Variants in CATSPERE observed in about 807,000 individuals in gnomAD.
CATSPERE encodes cation channel sperm-associated auxiliary subunit epsilon.
In CATSPERE, 93 loss-of-function variants were observed where a neutral mutation model predicts 114.1. The ratio of observed to expected loss-of-function variants is 0.81; its 90% CI spans 0.69 to 0.97. CATSPERE has a LOEUF of 0.97. Among genes scored for constraint, CATSPERE ranks in the 50% least tolerant of loss-of-function variants. CATSPERE has a pLI of 0.00. For missense variants in CATSPERE, 1,058 were observed against 1,131.6 expected (o/e 0.93, Z 0.93); for synonymous variants, 341 against 384.1 (o/e 0.89, Z 1.31).
At chr1:244,595,800 G>A (rs1668323060) in intron 17 of CATSPERE, among the ~76,000 whole-genome samples, 1 of 152,190 alleles carries the variant, frequency 6.6e-6, no homozygotes, top group African/African-American at 2.4e-5. Flanking sequence ...GGGCGTGGTG[G>A]CGGGCACCTG....
chr1:244,561,101 T>C lies in CATSPERE; in HGVS notation c.1463T>C (p.Leu488Pro), dbSNP rs1326928748. 6.2e-7 allele frequency: 1 copy of C among 1,608,710 alleles called. No homozygotes were observed. The highest frequency in any genetic ancestry group is 1.7e-5 in the Admixed American group (1 of 60,016). ...CAGACACCTGCAGGACATGGAAATC[T>C]ATCAATGCTATCAAATGACAGCATT... is the stretch of plus-strand genomic sequence containing the variant. Reference protein sequence around the residue: ...ILQTPAGHGNLSMLSNDSIIH... With the variant: ...ILQTPAGHGNPSMLSNDSIIH... The change falls in exon 10 of 22, where the codon CTA becomes CCA. Residue 488 changes from leucine (L) to proline (P), a missense_variant. This residue lies in a region of CATSPERE where 787 missense variants were observed against 905.6 expected (regional missense o/e 0.87). Coordinates refer to ENST00000366534, the MANE Select transcript of CATSPERE (RefSeq NM_001130957.2).
chr1:244,598,622 T>C, intron 17 of CATSPERE: 1 of 362,328 alleles, frequency 2.8e-6, no homozygotes, highest in Middle Eastern at 8.9e-4. Flanking sequence ...TGCCTCCCTT[T>C]TCCACGGTGT....
Position 244,461,406 on chromosome 1 carries a change from T to G in CATSPERE, c.-24T>G, listed in dbSNP as rs200357601. 1 of 1,354,264 alleles carries G rather than the reference T, an allele frequency of 7.4e-7. No homozygotes were observed. The highest frequency in any genetic ancestry group is 9.6e-7 in the Non-Finnish European group (1 of 1,045,004). The allele number at this position is 1,354,264 out of a possible 1,614,324, so 83.9% of individuals were successfully genotyped here. ...GCCTGGACGGGAGTGGCCGAGGCGGTTGGGCGGAGGCGGAGCAGGCGCCAT... is the reference window on the plus strand; with the variant it reads ...GCCTGGACGGGAGTGGCCGAGGCGGGTGGGCGGAGGCGGAGCAGGCGCCAT... On this transcript the variant is annotated 5_prime_UTR_variant, in exon 1 of 22. Transcript: ENST00000366534.
chr1:244,582,909 TGATATATATATATATATATATATA>T (rs1666399828), intron 12 of CATSPERE, among the ~76,000 whole-genome samples: 1 of 27,062 alleles, frequency 3.7e-5, no homozygotes, highest in Non-Finnish European at 9.2e-5. Flanking sequence ...AAACAGAATT[TGATATATATATATATATATATATA>T]TATATATATA....
intron 2 of CATSPERE, 34 bp downstream of exon 2, chr1:244,463,990 ATATTAAAT>A: frequency 6.7e-7 from 1 of 1,483,668 alleles, no homozygotes; most frequent in Non-Finnish European, 9.4e-7. Context: ...CTATAGTTAA[ATATTAAAT>A]TTTTTGAACT....
chr1:244,500,005 T>C (rs1673774442), intron 7 of CATSPERE, among the ~76,000 whole-genome samples: 3 of 152,220 alleles, frequency 2.0e-5, no homozygotes, highest in African/African-American at 7.2e-5. Flanking sequence ...CACCAGCATC[T>C]GTTGTTTCCA....
At chr1:244,483,082 T>A (rs191309571) in intron 5 of CATSPERE, among the ~76,000 whole-genome samples, 3 of 152,338 alleles carry the variant, frequency 2.0e-5, no homozygotes, top group Admixed American at 2.0e-4. Context: ...GCTGATGCAT[T>A]TATTTGCAAC....
intron 5 of CATSPERE, among the ~76,000 whole-genome samples, chr1:244,487,815 C>CAAAACCCCTCGTCCCCAGTGCA (rs1553324743): frequency 5.6e-4 from 86 of 152,256 alleles, no homozygotes; most frequent in African/African-American, 1.8e-3. Context: ...GTACGGGAGC[C>CAAAACCCCTCGTCCCCAGTGCA]AAAACCCCTC....
At chr1:244,544,137 A>G (rs1444358355) in intron 8 of CATSPERE, among the ~76,000 whole-genome samples, 1 of 152,196 alleles carries the variant, frequency 6.6e-6, no homozygotes, top group African/African-American at 2.4e-5. Context: ...AAGCCCTTAA[A>G]TAAAGAGGTG....
At position 244,605,702 on chromosome 1, in the gene CATSPERE, G is replaced by A. The variant is rs1669892977; in HGVS notation, c.2311G>A (p.Asp771Asn). 4 of 1,604,986 alleles carry A rather than the reference G, an allele frequency of 2.5e-6. No homozygotes were observed. In the East Asian group the frequency reaches 8.9e-5, roughly 36 times the overall value. ...GTTTGTTGTTTCTTTCAGATTTGAT[G>A]ATAATGGCTATGTTAAAGACGTTGA... is the stretch of plus-strand genomic sequence containing the variant. Reference protein sequence around the residue: ...KFQPVVQLFDDNGYVKDVEAN... With the variant: ...KFQPVVQLFDNNGYVKDVEAN... Residue 771 changes from aspartate to asparagine, a missense_variant, in exon 18 of 22, where the codon GAT becomes AAT. Asp to Asn is a conservative substitution (Grantham distance 23). Around this residue, in one of 2 missense-constraint regions of CATSPERE, gnomAD observed 787 missense variants for 905.6 expected, o/e 0.87. Transcript: ENST00000366534.
intron 6 of CATSPERE, among the ~76,000 whole-genome samples, chr1:244,498,784 G>A (rs1673529678): frequency 6.6e-6 from 1 of 152,038 alleles, no homozygotes; most frequent in Non-Finnish European, 1.5e-5. Flanking sequence ...TGTAATCCCA[G>A]CTACTCGGGA....
chr1:244,474,742 T>G (rs1163370279), intron 2 of CATSPERE, among the ~76,000 whole-genome samples: 1 of 149,428 alleles, frequency 6.7e-6, no homozygotes, highest in African/African-American at 2.4e-5. Flanking sequence ...TTCTTCTTTT[T>G]TTTTTTTTTT....
chr1:244,590,836 C>T (rs1438750632), intron 14 of CATSPERE, among the ~76,000 whole-genome samples: 3 of 152,288 alleles, frequency 2.0e-5, no homozygotes, highest in Non-Finnish European at 4.4e-5. Context: ...ATCCATCCAG[C>T]AGTTCATGGA....
At chr1:244,630,254 G>A (rs1673754038) in intron 20 of CATSPERE, among the ~76,000 whole-genome samples, 1 of 152,190 alleles carries the variant, frequency 6.6e-6, no homozygotes, top group South Asian at 2.1e-4. Flanking sequence ...TCTTTGCTCT[G>A]CAGATATCAG....
At chr1:244,510,835 C>CTTTT (rs747921082) in intron 7 of CATSPERE, among the ~76,000 whole-genome samples, 80 of 48,306 alleles carry the variant, frequency 1.7e-3, no homozygotes, top group Non-Finnish European at 1.9e-3. Flanking sequence ...TTTTCTTTTT[C>CTTTT]TTTTTTTTTT....
At chr1:244,512,133 T>A (rs1572483936) in intron 7 of CATSPERE, among the ~76,000 whole-genome samples, 1 of 152,216 alleles carries the variant, frequency 6.6e-6, no homozygotes, top group Admixed American at 6.5e-5. Flanking sequence ...ATAGCTTTTC[T>A]ATGTGTTTGC....
Position 244,543,266 on chromosome 1 carries a change from G to GAT in CATSPERE, c.537-9046_537-9045dup, listed in dbSNP as rs753449885. Among the ~76,000 whole-genome samples, 42 of 152,192 alleles carry GAT rather than the reference G, an allele frequency of 2.8e-4. 1 individual carries two copies. The South Asian group carries it at 2.9e-3, about 11-fold the overall frequency. Reference sequence around the variant, plus strand: ...GAAGATGCATGGATAAAGAAGATGTGATATATATATACACACAGTGGAATA... The same window carrying GAT: ...GAAGATGCATGGATAAAGAAGATGTGATATATATATATACACACAGTGGAATA... On this transcript the variant is annotated intron_variant, in intron 8 of 21. Transcript: ENST00000366534.
At chr1:244,539,509 T>C (rs9429027) in intron 8 of CATSPERE, among the ~76,000 whole-genome samples, 87,180 of 104,034 alleles carry the variant, frequency 0.84, 37,730 homozygotes, top group East Asian at 1. Context: ...GGGAGGATTC[T>C]CTCTTTTTCT....
chr1:244,536,494 C>A (rs772367691), intron 8 of CATSPERE, among the ~76,000 whole-genome samples: 8 of 152,286 alleles, frequency 5.3e-5, no homozygotes, highest in Non-Finnish European at 1.0e-4. Context: ...CCTCTGCGGG[C>A]GTCATCTGAG....
Sources: gnomAD v4.1 joint callset for allele counts (sites outside exome capture counted in the v4.1 genomes callset) on GRCh38, gnomAD v4.1.1 for gene constraint, gnomAD v4.1.1 regional missense constraint, MANE v1.5 for transcripts, NCBI Gene and HGNC (gene_info 2026-07-23, HGNC 2026-07-21) for gene names.